Variants in MAP7D2 observed in about 807,000 individuals in gnomAD.
MAP7D2 encodes MAP7 domain-containing protein 2.
In MAP7D2, 33 loss-of-function variants were observed where a neutral mutation model predicts 63.5. The ratio of observed to expected loss-of-function variants is 0.52; its 90% CI spans 0.39 to 0.70. MAP7D2 has a LOEUF of 0.70. MAP7D2 is among the 30% of genes least tolerant of loss of function. MAP7D2 has a pLI of 0.00. For synonymous variants in MAP7D2, 224 were observed against 223.7 expected (o/e 1.00, Z -0.01); for missense variants, 626 against 604.0 (o/e 1.04, Z -0.38).
At chrX:20,054,636 G>T (rs2065028281) in intron 4 of MAP7D2, among the ~76,000 whole-genome samples, 1 of 109,983 alleles carries the variant, frequency 9.1e-6, no homozygotes, top group Non-Finnish European at 1.9e-5. Context: ...GCCCAGGCTG[G>T]AGGGCACTGG....
chrX:20,032,946 A>T (rs1275976172), intron 8 of MAP7D2, among the ~76,000 whole-genome samples: 1 of 112,332 alleles, frequency 8.9e-6, no homozygotes, highest in Non-Finnish European at 1.9e-5. Context: ...TAAGCCATAC[A>T]GAGAAGCCAT....
At chrX:20,064,021 C>T (rs868342167) in intron 2 of MAP7D2, among the ~76,000 whole-genome samples, 30 of 110,090 alleles carry the variant, frequency 2.7e-4, no homozygotes, top group African/African-American at 8.7e-4. Flanking sequence ...GCACCAAGCA[C>T]CAGACACTGA....
intron 1 of MAP7D2, among the ~76,000 whole-genome samples, chrX:20,100,571 G>A (rs1018901532): frequency 3.9e-4 from 40 of 103,082 alleles, no homozygotes; most frequent in Admixed American, 2.2e-3. Flanking sequence ...CACAACAGAG[G>A]TAGGTGAGTT....
intron 8 of MAP7D2, among the ~76,000 whole-genome samples, chrX:20,033,276 T>C (rs1336225024): frequency 8.9e-6 from 1 of 112,420 alleles, no homozygotes; most frequent in East Asian, 2.8e-4. Flanking sequence ...AGCTGAAATA[T>C]TACCTATCGT....
intron 1 of MAP7D2, among the ~76,000 whole-genome samples, chrX:20,072,385 C>T: frequency 9.0e-6 from 1 of 111,241 alleles, no homozygotes; most frequent in Non-Finnish European, 1.9e-5. Flanking sequence ...GAAACTCTAC[C>T]CTCCCGATGC....
intron 1 of MAP7D2, among the ~76,000 whole-genome samples, chrX:20,091,371 T>TA (rs1172477734): frequency 2.9e-5 from 3 of 104,411 alleles, no homozygotes; most frequent in Non-Finnish European, 3.9e-5. Flanking sequence ...TCTTTAGCAA[T>TA]AAAAAAAACT....
At chrX:20,112,857 G>A (rs1390269502) in intron 1 of MAP7D2, among the ~76,000 whole-genome samples, 2 of 111,506 alleles carry the variant, frequency 1.8e-5, no homozygotes, top group African/African-American at 6.5e-5. Context: ...TCCATCTCTC[G>A]CCTGCCCAAA....
Position 20,015,302 on chromosome X carries a change from C to T in MAP7D2, c.1670G>A (p.Arg557Gln), listed in dbSNP as rs202062315. Reference sequence around the variant, plus strand: ...GAGACGCATCTGTTCAGCTACCTCCCGGGCCTTTGTTTCTGCTGCTTCTTT... The same window carrying T: ...GAGACGCATCTGTTCAGCTACCTCCTGGGCCTTTGTTTCTGCTGCTTCTTT... ...KQKEAAETKA[R>Q]EVAEQMRLER... The change falls in exon 12 of 17, where the codon CGG becomes CAG. Residue 557 changes from arginine to glutamine, a missense_variant. By Grantham distance (43) the Arg-to-Gln change is conservative. Coordinates refer to ENST00000379643, the MANE Select transcript of MAP7D2 (RefSeq NM_001168465.2). 4.8e-5 allele frequency: 58 copies of T among 1,208,848 alleles called. No homozygotes were observed. The highest frequency in any genetic ancestry group is 5.7e-5 in the Non-Finnish European group (51 of 894,420).
chrX:20,071,429 C>T (rs1569113053), intron 1 of MAP7D2, among the ~76,000 whole-genome samples: 1 of 112,612 alleles, frequency 8.9e-6, no homozygotes, highest in African/African-American at 3.2e-5. Context: ...CTGCTCACCA[C>T]ACTTGAGCAT....
At chrX:20,067,358 A>C (rs1186706151) in intron 1 of MAP7D2, among the ~76,000 whole-genome samples, 1 of 112,388 alleles carries the variant, frequency 8.9e-6, no homozygotes, top group African/African-American at 3.2e-5. Flanking sequence ...GCATGATTTT[A>C]GGCTGCCCTC....
Position 20,116,848 on chromosome X carries a change from C to T in MAP7D2, c.32G>A (p.Gly11Glu), listed in dbSNP as rs1164116397. The T allele has an allele frequency of 1.7e-6, 2 of 1,161,767 alleles. No individual in the cohort carries two copies. The highest frequency in any genetic ancestry group is 3.5e-5 in the East Asian group (1 of 28,927). ...CCGCGCAGTCCCCTCAGGCCGGGATCCCGTCCCGGAGCCGCCGCCGCCGCG... is the reference window on the plus strand; with the variant it reads ...CCGCGCAGTCCCCTCAGGCCGGGATTCCGTCCCGGAGCCGCCGCCGCCGCG... MERGGGGSGT[G>E]SRPEGTARGT... The change falls in exon 1 of 17, where the codon GGA becomes GAA. Residue 11 changes from glycine (G) to glutamate (E), a missense_variant. Transcript: ENST00000379643.
chrX:20,047,371 T>C (rs965078105), intron 6 of MAP7D2, among the ~76,000 whole-genome samples: 15 of 112,302 alleles, frequency 1.3e-4, no homozygotes, highest in Middle Eastern at 4.7e-3. Context: ...GTGCCACGAT[T>C]ATCATGACAC....
At chrX:20,014,264 A>C (rs979792440) in intron 12 of MAP7D2, among the ~76,000 whole-genome samples, 1 of 112,551 alleles carries the variant, frequency 8.9e-6, no homozygotes, top group Non-Finnish European at 1.9e-5. Context: ...ACATACAGAC[A>C]CTAATCATAA....
chrX:20,051,433 T>C (rs1490293339), intron 5 of MAP7D2, among the ~76,000 whole-genome samples: 1 of 109,937 alleles, frequency 9.1e-6, no homozygotes, highest in African/African-American at 3.3e-5. Flanking sequence ...GCGCCTGTAG[T>C]CCCAGCTACT....
intron 1 of MAP7D2, among the ~76,000 whole-genome samples, chrX:20,098,869 T>A (rs1159592080): frequency 3.6e-5 from 4 of 112,429 alleles, no homozygotes; most frequent in African/African-American, 1.3e-4. Context: ...TAAGTGGATG[T>A]CTAAGAAGTC....
intron 8 of MAP7D2, among the ~76,000 whole-genome samples, chrX:20,038,827 T>C (rs1378408480): frequency 8.9e-6 from 1 of 112,040 alleles, no homozygotes; most frequent in Non-Finnish European, 1.9e-5. Context: ...TGACCCAGAC[T>C]ATCAAGATGA....
chrX:20,025,005 C>T lies in MAP7D2; in HGVS notation c.1358G>A (p.Arg453Gln), dbSNP rs1275470926. Residue 453 changes from arginine (R) to glutamine (Q), a missense_variant, in exon 10 of 17, where the codon CGG becomes CAG. Coordinates refer to ENST00000379643, the MANE Select transcript of MAP7D2 (RefSeq NM_001168465.2). ...KILAEKRRQA[R>Q]LQKEQEEQER... ...TTGCTCCTCCTGTTCCTTCTGCAGC[C>T]GGGCCTGTCTTCTCTTTTCAGCCAA... The T allele has an allele frequency of 5.8e-6, 7 of 1,210,428 alleles. No homozygotes were observed. The highest frequency in any genetic ancestry group is 5.6e-6 in the Non-Finnish European group (5 of 895,249).
At chrX:20,098,480 G>A (rs1194522086) in intron 1 of MAP7D2, among the ~76,000 whole-genome samples, 1 of 111,925 alleles carries the variant, frequency 8.9e-6, no homozygotes, top group African/African-American at 3.3e-5. Context: ...CCACAGAAAG[G>A]CTCTTGGTCC....
chrX:20,114,932 G>A (rs2066850040), intron 1 of MAP7D2, among the ~76,000 whole-genome samples: 1 of 111,778 alleles, frequency 8.9e-6, no homozygotes, highest in African/African-American at 3.3e-5. Flanking sequence ...ATTTTTCTAA[G>A]GAGACTTTAC....
Sources: allele counts gnomAD v4.1 joint callset (sites outside exome capture counted in the v4.1 genomes callset), GRCh38; gene constraint gnomAD v4.1.1; transcripts MANE v1.5; gene names NCBI Gene and HGNC (gene_info 2026-07-23, HGNC 2026-07-21).